Variants in KCTD8 observed in about 807,000 individuals in gnomAD.
The protein encoded by KCTD8 is potassium channel tetramerization domain containing 8, also known as BTB/POZ domain-containing protein KCTD8.
Under a neutral mutation model 31.5 loss-of-function variants are expected in KCTD8, and 27 were observed. The ratio of observed to expected loss-of-function variants is 0.86; its 90% CI spans 0.63 to 1.18. The LOEUF (loss-of-function observed/expected upper bound fraction) is 1.18, where lower values mean the gene tolerates loss of function less well. KCTD8 is among the 50% of genes most tolerant of loss of function. The probability of loss-of-function intolerance (pLI) is 0.00; values close to 1 mark genes in which losing one functional copy is unlikely to be tolerated. For missense variants in KCTD8, 658 were observed against 647.7 expected, an observed-to-expected ratio of 1.02 and a Z score of -0.17; for synonymous variants, 290 against 280.0, an observed-to-expected ratio of 1.04 and a Z score of -0.36.
At chr4:44,441,330 A>C (rs541186589) in intron 1 of KCTD8, among the ~76,000 whole-genome samples, 5 of 152,152 alleles carry the variant, frequency 3.3e-5, no homozygotes, top group Non-Finnish European at 7.4e-5. Flanking sequence ...AAAGTGTTAA[A>C]TGGACTCAAA....
In KCTD8 at chr4:44,342,149, A is replaced by T. The variant is rs763037922; in HGVS notation, c.961+105414T>A. Among the ~76,000 whole-genome samples, 6 of 152,158 alleles carry T rather than the reference A, an allele frequency of 3.9e-5. No homozygotes were observed. The East Asian group carries it at 9.6e-4, about 24-fold the overall frequency. ...CATTTTGGGAGGCCAAGGCAGGCAG[A>T]TCACAAGATCAGGAGATCGAGACCA... On this transcript the variant is annotated intron_variant, in intron 1 of 1. Coordinates refer to ENST00000360029, the MANE Select transcript of KCTD8 (RefSeq NM_198353.3).
chr4:44,407,184 A>G (rs1720820351), intron 1 of KCTD8, among the ~76,000 whole-genome samples: 1 of 152,124 alleles, frequency 6.6e-6, no homozygotes, highest in African/African-American at 2.4e-5. Flanking sequence ...AGATTGCAGC[A>G]GCATCCTCTC....
At chr4:44,438,804 T>A (rs758273707) in intron 1 of KCTD8, among the ~76,000 whole-genome samples, 1 of 152,186 alleles carries the variant, frequency 6.6e-6, no homozygotes, top group Non-Finnish European at 1.5e-5. Context: ...GCCCTTAAAT[T>A]AGTAAGTGGC....
rs1035972832 is a variant in KCTD8 at position 44,244,232 on chromosome 4, T to C, written c.962-68982A>G. ...CAGTACCCTAAACAGGTTTTCTTCC[T>C]TTTTTTCTTTTTCTTAGGCTTCATC... On this transcript the variant is annotated intron_variant, in intron 1 of 1. Transcript: ENST00000360029. Among the ~76,000 whole-genome samples the C allele has an allele frequency of 3.9e-5, 6 of 152,292 alleles. No individual in the cohort carries two copies. The East Asian group carries it at 1.2e-3, about 29-fold the overall frequency.
intron 1 of KCTD8, among the ~76,000 whole-genome samples, chr4:44,381,872 G>T (rs766697515): frequency 2.0e-4 from 30 of 151,452 alleles, no homozygotes; most frequent in South Asian, 2.1e-4. Flanking sequence ...CTGGCACCAG[G>T]CTTGTCCAGC....
At chr4:44,415,117 A>G (rs940963230) in intron 1 of KCTD8, among the ~76,000 whole-genome samples, 1 of 152,186 alleles carries the variant, frequency 6.6e-6, no homozygotes, top group Admixed American at 6.5e-5. Context: ...TGCCCTAGCA[A>G]AAAACCTGGC....
intron 1 of KCTD8, among the ~76,000 whole-genome samples, chr4:44,443,763 T>TAA (rs1721868490): frequency 2.4e-5 from 1 of 40,880 alleles, no homozygotes; most frequent in East Asian, 5.6e-4. Context: ...TCACTGATTA[T>TAA]GAGAAAGAAA....
At chr4:44,329,545 A>G (rs2109411426) in intron 1 of KCTD8, among the ~76,000 whole-genome samples, 1 of 152,120 alleles carries the variant, frequency 6.6e-6, no homozygotes, top group East Asian at 1.9e-4. Flanking sequence ...TAAGCTGTAT[A>G]TAAACTGTAA....
At chr4:44,360,530 GA>G (rs1719468535) in intron 1 of KCTD8, among the ~76,000 whole-genome samples, 1 of 151,964 alleles carries the variant, frequency 6.6e-6, no homozygotes, top group South Asian at 2.1e-4. Context: ...ACTTCCACTG[GA>G]AGTCTAGAGA....
At chr4:44,185,475 C>T (rs565077570) in intron 1 of KCTD8, among the ~76,000 whole-genome samples, 19 of 152,302 alleles carry the variant, frequency 1.2e-4, no homozygotes, top group Admixed American at 3.9e-4. Context: ...CTAGCACATA[C>T]GATAAAATTT....
intron 1 of KCTD8, among the ~76,000 whole-genome samples, chr4:44,437,772 C>T (rs895460961): frequency 6.6e-6 from 1 of 151,866 alleles, no homozygotes; most frequent in Non-Finnish European, 1.5e-5. Flanking sequence ...CCATTTTCTC[C>T]CTAAAGAACT....
chr4:44,377,282 C>T (rs2109440272), intron 1 of KCTD8, among the ~76,000 whole-genome samples: 1 of 152,266 alleles, frequency 6.6e-6, no homozygotes, highest in East Asian at 1.9e-4. Context: ...GGTTTTCCCT[C>T]ACACATGTTT....
intron 1 of KCTD8, among the ~76,000 whole-genome samples, chr4:44,348,424 A>G (rs1003164786): frequency 2.0e-5 from 3 of 152,202 alleles, no homozygotes; most frequent in Admixed American, 2.0e-4. Context: ...TAGAAAATAA[A>G]TGCAAACTAC....
At chr4:44,361,089 C>T (rs1414389828) in intron 1 of KCTD8, among the ~76,000 whole-genome samples, 3 of 151,914 alleles carry the variant, frequency 2.0e-5, no homozygotes, top group Non-Finnish European at 4.4e-5. Context: ...TGATCGTACT[C>T]ACTTCAAGTT....
intron 1 of KCTD8, among the ~76,000 whole-genome samples, chr4:44,444,141 C>A (rs908035742): frequency 1.3e-5 from 2 of 152,048 alleles, no homozygotes; most frequent in African/African-American, 2.4e-5. Flanking sequence ...CTGTATATAA[C>A]CTTGAGCATA....
chr4:44,386,655 A>C (rs182192438), intron 1 of KCTD8, among the ~76,000 whole-genome samples: 1 of 151,730 alleles, frequency 6.6e-6, no homozygotes, highest in East Asian at 2.0e-4. Flanking sequence ...GCGGGAATGT[A>C]AGTCAGTATA....
intron 1 of KCTD8, among the ~76,000 whole-genome samples, chr4:44,311,090 G>A (rs1441520836): frequency 6.6e-6 from 1 of 151,812 alleles, no homozygotes; most frequent in Admixed American, 6.6e-5. Flanking sequence ...CTTCAAAAGA[G>A]TTAGGCCTTC....
chr4:44,301,969 T>C (rs989171964), intron 1 of KCTD8, among the ~76,000 whole-genome samples: 2 of 152,206 alleles, frequency 1.3e-5, no homozygotes, highest in African/African-American at 4.8e-5. Context: ...ATTTATTAAA[T>C]AGGGAATCCT....
At chr4:44,180,957 A>T (rs1422672324) in intron 1 of KCTD8, among the ~76,000 whole-genome samples, 1 of 152,136 alleles carries the variant, frequency 6.6e-6, no homozygotes. Flanking sequence ...TATTTCAAAG[A>T]ATTTTAGGGG....
Sources: gnomAD v4.1 joint callset for allele counts (sites outside exome capture counted in the v4.1 genomes callset) on GRCh38, gnomAD v4.1.1 for gene constraint, MANE v1.5 for transcripts, NCBI Gene and HGNC (gene_info 2026-07-23, HGNC 2026-07-21) for gene names.